The following CELF2 variants were observed in gnomAD, a reference collection of about 807,000 sequenced individuals.
The protein encoded by CELF2 is CUGBP Elav-like family member 2, also known as CUG triplet repeat RNA-binding protein 2.
A neutral mutation model predicts 62.6 loss-of-function variants in CELF2; 8 were observed. That is an observed-to-expected ratio of 0.13 (90% confidence interval 0.07 to 0.23). The LOEUF is 0.23. CELF2 is among the 10% of genes least tolerant of loss of function. The pLI is 1.00. For missense variants in CELF2, 333 were observed against 671.0 expected, an observed-to-expected ratio of 0.50 and a Z score of 5.56; for synonymous variants, 258 against 250.0, an observed-to-expected ratio of 1.03 and a Z score of -0.30.
In CELF2 at chr10:11,329,312, T is replaced by C; in HGVS notation, c.*259T>C. 3.4e-6 allele frequency: 1 copy of C among 289,902 alleles called. No homozygotes were observed. 18.0% of individuals were successfully genotyped at this position (289,902 alleles called of 1,614,324 possible). A position where few individuals can be genotyped will look rare whatever the true frequency, so the allele number is the denominator to read the frequency against. On this transcript the variant is annotated 3_prime_UTR_variant, in exon 13 of 13. Coordinates refer to ENST00000633077, the MANE Select transcript of CELF2 (RefSeq NM_001326342.2). The surrounding 1 kb of genome is among the most constrained non-coding windows in gnomAD (Gnocchi z 5.5). ...CACTGTATTCTCCTTTGTTTTGCGA[T>C]TTGAATCTCCTTTTACCTTTTTTTT...
At chr10:10,518,407 T>C in the CELF2 span, among the ~76,000 whole-genome samples, 1 of 152,222 alleles carries the variant, frequency 6.6e-6, no homozygotes, top group Non-Finnish European at 1.5e-5. Context: ...TGGCAGGAGA[T>C]TGTATTTCAC....
intron 1 of CELF2, among the ~76,000 whole-genome samples, chr10:10,816,768 G>A (rs1310392626): frequency 6.6e-6 from 1 of 152,164 alleles, no homozygotes; most frequent in East Asian, 1.9e-4. Flanking sequence ...TCCATGTAAC[G>A]ATTTGGTTTA....
the CELF2 span, among the ~76,000 whole-genome samples, chr10:10,490,841 G>A: frequency 6.6e-6 from 1 of 152,168 alleles, no homozygotes; most frequent in South Asian, 2.1e-4. Context: ...AGTTAATAAT[G>A]GCTACTTGGG....
chr10:10,553,056 C>T, the CELF2 span, among the ~76,000 whole-genome samples: 1 of 152,098 alleles, frequency 6.6e-6, no homozygotes. Context: ...AAAGACATAC[C>T]AAGGACTGGG....
chr10:10,575,602 G>C, the CELF2 span, among the ~76,000 whole-genome samples: 1 of 152,116 alleles, frequency 6.6e-6, no homozygotes, highest in Non-Finnish European at 1.5e-5. Context: ...TTCTCTGTCT[G>C]ACCTAACATC....
intron 2 of CELF2, chr10:10,937,631 G>C (rs1414459967): frequency 6.6e-6 from 1 of 152,158 alleles, no homozygotes; most frequent in Admixed American, 6.5e-5. Flanking sequence ...ATCATATTAG[G>C]ATACAGTATC....
intron 2 of CELF2, among the ~76,000 whole-genome samples, chr10:10,959,022 C>A (rs562678748): frequency 6.6e-6 from 1 of 152,060 alleles, no homozygotes; most frequent in Non-Finnish European, 1.5e-5. Context: ...TTTGGGAGGC[C>A]GAGGTAGGCG....
At chr10:11,299,697 A>G (rs1273088360) in intron 9 of CELF2, among the ~76,000 whole-genome samples, 2 of 152,138 alleles carry the variant, frequency 1.3e-5, no homozygotes, top group Non-Finnish European at 2.9e-5. Flanking sequence ...AGGTGAAATG[A>G]CAGCGCCACC....
chr10:10,781,986 G>A, the CELF2 span, among the ~76,000 whole-genome samples: 5 of 152,114 alleles, frequency 3.3e-5, no homozygotes, highest in Non-Finnish European at 2.9e-5. Flanking sequence ...TATTTACACA[G>A]CATTTACATT....
At position 11,238,129 on chromosome 10, in the gene CELF2, C is replaced by G. The variant is rs536781176; in HGVS notation, c.355-11024C>G. Among the ~76,000 whole-genome samples the G allele has an allele frequency of 3.9e-5, 6 of 152,282 alleles. No homozygotes were observed. The South Asian group carries it at 1.0e-3, about 26-fold the overall frequency. On this transcript the variant is annotated intron_variant, in intron 3 of 12. Transcript: ENST00000633077. ...GTATTGGAGCGCCCATCATTGACTT[C>G]GGAAGACAGTTCCACAAGTCAGAAA...
At position 10,805,605 on chromosome 10, in the gene CELF2, A is replaced by G. The variant is rs142463908; in HGVS notation, c.53+6788A>G. On this transcript the variant is annotated intron_variant, in intron 1 of 13. Transcript: ENST00000636488. ...ATGTGGCCTTGAGCTGTTAGAAACT[A>G]TGTCAGTGTTTGTTCAAGTCTTTTA... 6.8e-4 allele frequency among the ~76,000 whole-genome samples: 104 copies of G among 152,156 alleles called. 1 individual carries two copies. Among genetic ancestry groups the G allele is most frequent in the African/African-American group, 2.4e-3 (98 of 41,498 alleles).
rs1025631754 is a variant in CELF2 at position 10,987,026 on chromosome 10, G to A, written c.89+67027G>A. On this transcript the variant is annotated intron_variant, in intron 2 of 13. Coordinates refer to the CELF2 transcript ENST00000636488. ...AGAAAAGTCATCAAGAGATTTATCC[G>A]AAAGTCAGGCTTGGATAGACTAGCT... Among the ~76,000 whole-genome samples, 10 of 152,246 alleles carry A rather than the reference G, an allele frequency of 6.6e-5. No individual in the cohort carries two copies. In the South Asian group the frequency reaches 2.1e-3, roughly 32 times the overall value.
chr10:11,007,989 C>T (rs747563546), intron 1 of CELF2, among the ~76,000 whole-genome samples: 3 of 152,106 alleles, frequency 2.0e-5, no homozygotes, highest in East Asian at 1.9e-4. Context: ...TACCAGCTCC[C>T]GGAATTTGGA....
At chr10:11,111,372 G>C (rs1035291195) in intron 1 of CELF2, among the ~76,000 whole-genome samples, 1 of 152,114 alleles carries the variant, frequency 6.6e-6, no homozygotes. Context: ...CGAGGCCTTT[G>C]TTACTGATAA....
rs1255167921 is a variant in CELF2 at position 11,315,618 on chromosome 10, G to A, written c.1096+1360G>A. Among the ~76,000 whole-genome samples, 3 of 152,156 alleles carry A rather than the reference G, an allele frequency of 2.0e-5. No homozygotes were observed. Among genetic ancestry groups the A allele is most frequent in the Non-Finnish European group, 2.9e-5 (2 of 68,020 alleles). ...ACATCTTTTGGGGAAAAGCGAAAAC[G>A]TGGACCGAGCTTTAGCTGACCATAC... On this transcript the variant is annotated intron_variant, in intron 10 of 12. Transcript: ENST00000633077. This position sits in a 1 kb window ranked among gnomAD's most constrained non-coding sequence, Gnocchi z 5.8.
chr10:10,949,858 A>T (rs552966517), intron 2 of CELF2, among the ~76,000 whole-genome samples: 44 of 151,964 alleles, frequency 2.9e-4, no homozygotes, highest in African/African-American at 1.0e-3. Flanking sequence ...ACTCACCTAC[A>T]AATTCAAACT....
chr10:10,499,126 G>A, the CELF2 span, among the ~76,000 whole-genome samples: 1 of 150,716 alleles, frequency 6.6e-6, no homozygotes, highest in Non-Finnish European at 1.5e-5. Flanking sequence ...GAGTTCAATG[G>A]CACGATCTCA....
the CELF2 span, among the ~76,000 whole-genome samples, chr10:10,621,451 T>C: frequency 2.6e-5 from 4 of 152,146 alleles, no homozygotes; most frequent in Non-Finnish European, 5.9e-5. Context: ...AAGCGTAGCA[T>C]AGGTCTCCAC....
the CELF2 span, among the ~76,000 whole-genome samples, chr10:10,741,426 G>T: frequency 7.0e-6 from 1 of 141,850 alleles, no homozygotes; most frequent in Admixed American, 7.9e-5. Context: ...AAGGAGAATT[G>T]CTTGAACTCG....
Sources: allele counts gnomAD v4.1 joint callset (sites outside exome capture counted in the v4.1 genomes callset), GRCh38; gene constraint gnomAD v4.1.1; non-coding constraint Gnocchi (gnomAD v3.1); transcripts MANE v1.5; gene names NCBI Gene and HGNC (gene_info 2026-07-23, HGNC 2026-07-21).